The following RYR2 variants were observed in gnomAD, a reference collection of about 807,000 sequenced individuals.
RYR2 encodes ryanodine receptor 2.
A neutral mutation model predicts 601.1 loss-of-function variants in RYR2; 227 were observed. That is an observed-to-expected ratio of 0.38 (90% CI 0.34 to 0.42). The LOEUF is 0.42. Ranked by LOEUF, RYR2 falls within the 10% of genes least tolerant of loss-of-function variation. RYR2 has a pLI of 1.00. For missense variants in RYR2, 4,646 were observed against 6,156.5 expected (o/e 0.75, Z 8.21); for synonymous variants, 2,223 against 2,175.1 (o/e 1.02, Z -0.61).
rs1370563919 is a variant in RYR2, at chr1:237,798,103, G to A, written c.14023G>A (p.Ala4675Thr). ...CAGTGAATTACTTGGCATGGACAAGGCAGCTCTGGACTTCAGTGATGCCAG... is the reference window on the plus strand; with the variant it reads ...CAGTGAATTACTTGGCATGGACAAGACAGCTCTGGACTTCAGTGATGCCAG... ...RISELLGMDK[A>T]ALDFSDAREK... Residue 4675 changes from alanine (A) to threonine (T), a missense_variant, in exon 97 of 105, where the codon GCA becomes ACA. Coordinates refer to ENST00000366574, the MANE Select transcript of RYR2 (RefSeq NM_001035.3). 1.2e-6 allele frequency: 2 copies of A among 1,611,596 alleles called. No homozygotes were observed. Among genetic ancestry groups the A allele is most frequent in the East Asian group, 2.2e-5 (1 of 44,842 alleles).
At chr1:237,083,356 C>G (rs1040621943) in intron 1 of RYR2, among the ~76,000 whole-genome samples, 1 of 152,136 alleles carries the variant, frequency 6.6e-6, no homozygotes, top group South Asian at 2.1e-4. Flanking sequence ...GGTTCTCATG[C>G]CATGCCACTC....
intron 58 of RYR2, among the ~76,000 whole-genome samples, chr1:237,670,026 T>C (rs1684766571): frequency 6.6e-6 from 1 of 152,132 alleles, no homozygotes; most frequent in African/African-American, 2.4e-5. Flanking sequence ...CGAGACTCCG[T>C]CTGCAATCCT....
chr1:237,085,428 T>A (rs2148425195), intron 1 of RYR2, among the ~76,000 whole-genome samples: 1 of 152,328 alleles, frequency 6.6e-6, no homozygotes, highest in Admixed American at 6.5e-5. Flanking sequence ...CCCCATCAGA[T>A]AAAATTCTTA....
At chr1:237,653,908 G>A (rs529149505) in intron 51 of RYR2, among the ~76,000 whole-genome samples, 1 of 152,304 alleles carries the variant, frequency 6.6e-6, no homozygotes, top group East Asian at 1.9e-4. Flanking sequence ...GGCAAGTCAG[G>A]TTCTTCTGCC....
chr1:237,338,817 A>G (rs1266875226), intron 3 of RYR2, among the ~76,000 whole-genome samples: 6 of 152,314 alleles, frequency 3.9e-5, no homozygotes, highest in Non-Finnish European at 8.8e-5. Flanking sequence ...TGTTGTGTCC[A>G]CGCTAGTTGA....
At chr1:237,780,107 G>A (rs1694974772) in intron 88 of RYR2, among the ~76,000 whole-genome samples, 1 of 151,526 alleles carries the variant, frequency 6.6e-6, no homozygotes, top group Non-Finnish European at 1.5e-5. Flanking sequence ...TTGACATGCA[G>A]TCTTGAACAG....
intron 6 of RYR2, among the ~76,000 whole-genome samples, chr1:237,373,493 G>T (rs1437021761): frequency 6.6e-6 from 1 of 152,150 alleles, no homozygotes; most frequent in Non-Finnish European, 1.5e-5. Flanking sequence ...GATTCTAAAG[G>T]GGGCTTGCTG....
intron 37 of RYR2, 82 bp from the exon 38 acceptor site, chr1:237,617,204 A>T: frequency 1.6e-6 from 2 of 1,267,826 alleles, no homozygotes; most frequent in South Asian, 1.6e-5. Flanking sequence ...GCAACTAAGG[A>T]TGTTTACCAC....
chr1:237,810,920 G>T (rs746752697), intron 100 of RYR2, among the ~76,000 whole-genome samples: 1 of 152,048 alleles, frequency 6.6e-6, no homozygotes, highest in Non-Finnish European at 1.5e-5. Context: ...TTTTTGATAT[G>T]CTGGAATATG....
intron 71 of RYR2, among the ~76,000 whole-genome samples, chr1:237,715,346 G>T (rs1349048852): frequency 6.6e-6 from 1 of 152,090 alleles, no homozygotes; most frequent in African/African-American, 2.4e-5. Flanking sequence ...CGTACAGGAG[G>T]ATATTTTATT....
chr1:237,563,200 A>G (rs2805475), intron 27 of RYR2, among the ~76,000 whole-genome samples: 79,863 of 151,926 alleles, frequency 0.53, 23,059 homozygotes, highest in Admixed American at 0.66. Flanking sequence ...CTGAGGCTCG[A>G]AGTTCGAGAC....
intron 42 of RYR2, among the ~76,000 whole-genome samples, chr1:237,633,307 C>T (rs1680539823): frequency 6.6e-6 from 1 of 152,214 alleles, no homozygotes; most frequent in Non-Finnish European, 1.5e-5. Context: ...ACAAATGAAT[C>T]TGCCTTTCAC....
chr1:237,497,289 A>G (rs1475931897), intron 20 of RYR2, among the ~76,000 whole-genome samples: 1 of 152,264 alleles, frequency 6.6e-6, no homozygotes, highest in Admixed American at 6.5e-5. Flanking sequence ...TTTCAGAAGT[A>G]TAAAATGGTT....
At chr1:237,405,089 T>G (rs545813012) in intron 10 of RYR2, among the ~76,000 whole-genome samples, 3 of 152,152 alleles carry the variant, frequency 2.0e-5, no homozygotes, top group Non-Finnish European at 4.4e-5. Context: ...AATGGTAGAA[T>G]AAGAAATGGT....
intron 1 of RYR2, among the ~76,000 whole-genome samples, chr1:237,201,643 C>T (rs1681205182): frequency 1.3e-5 from 2 of 152,260 alleles, no homozygotes; most frequent in Admixed American, 6.5e-5. Flanking sequence ...CTTTTATCAT[C>T]GTCATTATCA....
intron 1 of RYR2, among the ~76,000 whole-genome samples, chr1:237,181,971 C>G (rs1477532169): frequency 6.6e-6 from 1 of 152,144 alleles, no homozygotes; most frequent in Non-Finnish European, 1.5e-5. Flanking sequence ...GAATTGCAGT[C>G]TGGTTGGAGG....
chr1:237,335,668 T>C (rs1697179493), intron 3 of RYR2, among the ~76,000 whole-genome samples: 1 of 152,186 alleles, frequency 6.6e-6, no homozygotes, highest in African/African-American at 2.4e-5. Context: ...ACTGGGTCCC[T>C]TTATTATTAG....
chr1:237,355,232 G>A (rs1699195365), intron 3 of RYR2, among the ~76,000 whole-genome samples: 1 of 152,116 alleles, frequency 6.6e-6, no homozygotes, highest in Non-Finnish European at 1.5e-5. Context: ...TTACCTTTGA[G>A]ATTGAGTATG....
chr1:237,568,131 G>A (rs1672288472), intron 28 of RYR2, among the ~76,000 whole-genome samples: 1 of 152,094 alleles, frequency 6.6e-6, no homozygotes, highest in South Asian at 2.1e-4. Context: ...TCAAATGATA[G>A]GCAAGAAAGG....
Sources: allele counts gnomAD v4.1 joint callset (sites outside exome capture counted in the v4.1 genomes callset), GRCh38; gene constraint gnomAD v4.1.1; transcripts MANE v1.5; gene names NCBI Gene and HGNC (gene_info 2026-07-23, HGNC 2026-07-21).